LRP1B: variants seen among roughly 807,000 people sequenced by gnomAD.
LRP1B encodes the protein LDL receptor related protein 1B.
In LRP1B, 217 loss-of-function variants were observed where a neutral mutation model predicts 556.6. That is an observed-to-expected ratio of 0.39 (90% CI 0.35 to 0.44). The LOEUF (loss-of-function observed/expected upper bound fraction) is 0.44. LRP1B is among the 20% of genes least tolerant of loss of function. LRP1B has a pLI of 1.00. For synonymous variants in LRP1B, 2,047 were observed against 1,865.8 expected (o/e 1.10, Z -2.50); for missense variants, 5,053 against 5,620.8 (o/e 0.90, Z 3.23).
chr2:141,535,533 A>G lies in LRP1B; in HGVS notation c.206-55000T>C, dbSNP rs551056523. 3.6e-3 allele frequency among the ~76,000 whole-genome samples: 521 copies of G among 143,626 alleles called. 5 individuals carry two copies. Among genetic ancestry groups the G allele is most frequent in the African/African-American group, 0.013 (499 of 37,626 alleles). 94.2% of individuals were successfully genotyped at this position (143,626 alleles called of 152,430 possible). On this transcript the variant is annotated intron_variant, in intron 2 of 90. Coordinates refer to ENST00000389484, the MANE Select transcript of LRP1B (RefSeq NM_018557.3). ...TTCTAGTATTCTCGAAATTGAAGCA[A>G]TGGTATAAAAAAAAAAAAGAAGTAA...
chr2:140,430,277 A>C (rs1685864349), intron 66 of LRP1B, among the ~76,000 whole-genome samples: 1 of 152,208 alleles, frequency 6.6e-6, no homozygotes, highest in African/African-American at 2.4e-5. Flanking sequence ...TCACTCTCGC[A>C]AAAGGACTAC....
intron 59 of LRP1B, among the ~76,000 whole-genome samples, chr2:140,482,422 A>G (rs1489289072): frequency 2.0e-5 from 3 of 152,160 alleles, no homozygotes; most frequent in African/African-American, 7.2e-5. Context: ...TACATTCTCT[A>G]TTCTCTTTTA....
chr2:140,532,927 A>AAG (rs1553482095), intron 47 of LRP1B, among the ~76,000 whole-genome samples: 5 of 47,064 alleles, frequency 1.1e-4, no homozygotes, highest in Admixed American at 3.4e-4. Flanking sequence ...ATCACAGCAC[A>AAG]AGATATATAT....
chr2:141,497,720 C>T (rs1683559584), intron 2 of LRP1B, among the ~76,000 whole-genome samples: 1 of 151,716 alleles, frequency 6.6e-6, no homozygotes, highest in African/African-American at 2.4e-5. Context: ...AACTTTAGCG[C>T]AAATCTACTG....
intron 66 of LRP1B, among the ~76,000 whole-genome samples, chr2:140,400,904 G>A (rs1684468122): frequency 6.6e-6 from 1 of 152,142 alleles, no homozygotes; most frequent in Admixed American, 6.5e-5. Context: ...TCCCAGAGCT[G>A]GAACTGATTT....
chr2:140,581,030 T>G (rs1056727694), intron 43 of LRP1B, among the ~76,000 whole-genome samples: 3 of 152,180 alleles, frequency 2.0e-5, no homozygotes, highest in African/African-American at 7.2e-5. Context: ...CTGCACTAGT[T>G]GTGTAATTTG....
At chr2:141,522,877 T>C (rs1684574015) in intron 2 of LRP1B, among the ~76,000 whole-genome samples, 1 of 152,160 alleles carries the variant, frequency 6.6e-6, no homozygotes, top group Non-Finnish European at 1.5e-5. Context: ...CTGACATCTG[T>C]TTCCATCCAG....
At chr2:140,331,156 G>C (rs1388634516) in intron 79 of LRP1B, among the ~76,000 whole-genome samples, 1 of 152,056 alleles carries the variant, frequency 6.6e-6, no homozygotes, top group Non-Finnish European at 1.5e-5. Flanking sequence ...CAATAGCAAA[G>C]ACACGGAATC....
chr2:141,826,495 G>T (rs553695641), intron 1 of LRP1B, among the ~76,000 whole-genome samples: 1 of 151,786 alleles, frequency 6.6e-6, no homozygotes, highest in African/African-American at 2.4e-5. Context: ...GAGTAGCTGG[G>T]ACTACAGGTG....
At chr2:141,852,091 C>T (rs568351566) in intron 1 of LRP1B, among the ~76,000 whole-genome samples, 139 of 151,790 alleles carry the variant, frequency 9.2e-4, no homozygotes, top group African/African-American at 3.0e-3. Context: ...ATAAATTCAT[C>T]TTTTAAAAAC....
At chr2:140,883,334 A>C (rs1008469977) in intron 25 of LRP1B, among the ~76,000 whole-genome samples, 2 of 152,136 alleles carry the variant, frequency 1.3e-5, no homozygotes, top group Admixed American at 6.6e-5. Context: ...GGACTCCTTC[A>C]AGCTTATTTA....
At chr2:141,080,248 C>T (rs376329599) in intron 7 of LRP1B, among the ~76,000 whole-genome samples, 1 of 152,132 alleles carries the variant, frequency 6.6e-6, no homozygotes, top group East Asian at 1.9e-4. Flanking sequence ...CTGTTCATGC[C>T]TTGATTTGTT....
chr2:141,240,607 G>A (rs1257988326), intron 5 of LRP1B, among the ~76,000 whole-genome samples: 1 of 151,748 alleles, frequency 6.6e-6, no homozygotes, highest in Non-Finnish European at 1.5e-5. Flanking sequence ...TAATTGTAGA[G>A]GGTGATATAA....
intron 1 of LRP1B, among the ~76,000 whole-genome samples, chr2:141,883,933 G>A (rs1359923169): frequency 6.6e-6 from 1 of 152,108 alleles, no homozygotes; most frequent in Admixed American, 6.5e-5. Context: ...TTATGTATAT[G>A]AACATGTAAT....
intron 7 of LRP1B, among the ~76,000 whole-genome samples, chr2:141,181,867 T>C (rs1040800659): frequency 8.1e-6 from 1 of 123,656 alleles, no homozygotes; most frequent in Non-Finnish European, 1.5e-5. Flanking sequence ...ACAAAAAATT[T>C]AATTAATGAG....
chr2:140,430,960 T>C (rs563288181), intron 66 of LRP1B, among the ~76,000 whole-genome samples: 11 of 152,114 alleles, frequency 7.2e-5, no homozygotes, highest in Non-Finnish European at 1.2e-4. Flanking sequence ...CTAAAATACC[T>C]CTTAGTCTAG....
intron 79 of LRP1B, among the ~76,000 whole-genome samples, chr2:140,330,204 A>ATAATAATAAT (rs1473838527): frequency 1.7e-5 from 1 of 59,552 alleles, no homozygotes; most frequent in African/African-American, 5.1e-5. Flanking sequence ...TGTCTCAATA[A>ATAATAATAAT]TAATAATAAT....
At chr2:142,007,055 C>T (rs1245363225) in intron 1 of LRP1B, among the ~76,000 whole-genome samples, 1 of 152,030 alleles carries the variant, frequency 6.6e-6, no homozygotes, top group Non-Finnish European at 1.5e-5. Context: ...CTGGTTTAGA[C>T]CATCCCGACA....
At chr2:142,038,713 T>C (rs1028905140) in intron 1 of LRP1B, among the ~76,000 whole-genome samples, 8 of 151,578 alleles carry the variant, frequency 5.3e-5, no homozygotes, top group Non-Finnish European at 8.9e-5. Flanking sequence ...CAACCATCTA[T>C]TATCCTTTGT....
Sources: gnomAD v4.1 joint callset for allele counts (sites outside exome capture counted in the v4.1 genomes callset) on GRCh38, gnomAD v4.1.1 for gene constraint, MANE v1.5 for transcripts, NCBI Gene and HGNC (gene_info 2026-07-23, HGNC 2026-07-21) for gene names.